Variants in RBFOX1 observed in about 807,000 individuals in gnomAD.
RBFOX1 encodes RNA binding protein fox-1 homolog 1.
RBFOX1 carries 8 observed loss-of-function variants against 57.7 expected under a neutral mutation model. That is an observed-to-expected ratio of 0.14 (90% CI 0.08 to 0.25). The LOEUF is 0.25. Ranked by LOEUF, RBFOX1 falls within the 10% of genes least tolerant of loss-of-function variation. RBFOX1 has a pLI of 1.00. For synonymous variants in RBFOX1, 326 were observed against 222.4 expected, an observed-to-expected ratio of 1.47 and a Z score of -4.15; for missense variants, 611 against 548.5, an observed-to-expected ratio of 1.11 and a Z score of -1.14.
At chr16:7,450,654 G>A (rs146577787) in intron 4 of RBFOX1, among the ~76,000 whole-genome samples, 83 of 151,914 alleles carry the variant, frequency 5.5e-4, no homozygotes, top group African/African-American at 1.9e-3. Context: ...TCACTTTTCC[G>A]CCTGATTTAA....
At chr16:7,647,036 G>A (rs1313567058) in intron 11 of RBFOX1, among the ~76,000 whole-genome samples, 5 of 152,136 alleles carry the variant, frequency 3.3e-5, no homozygotes, top group Admixed American at 6.5e-5. Context: ...CACATCTTCC[G>A]TTCTAAAATG....
chr16:6,169,122 G>T (rs1251996983), intron 1 of RBFOX1, among the ~76,000 whole-genome samples: 1 of 152,188 alleles, frequency 6.6e-6, no homozygotes, highest in Non-Finnish European at 1.5e-5. Flanking sequence ...ACTCCAGGCA[G>T]ATTAGCAAGG....
intron 4 of RBFOX1, among the ~76,000 whole-genome samples, chr16:5,969,105 ATTG>A (rs2059908663): frequency 6.6e-6 from 1 of 151,828 alleles, no homozygotes. Context: ...TCTGATTTAT[ATTG>A]TTTTCCATTT....
chr16:7,584,853 G>T (rs75529154), intron 6 of RBFOX1, among the ~76,000 whole-genome samples: 1 of 152,140 alleles, frequency 6.6e-6, no homozygotes, highest in Non-Finnish European at 1.5e-5. Context: ...TTGTTTCACC[G>T]GCTTTGAGAA....
chr16:6,010,818 A>C (rs918542663), intron 4 of RBFOX1, among the ~76,000 whole-genome samples: 2 of 152,212 alleles, frequency 1.3e-5, no homozygotes, highest in Admixed American at 6.5e-5. Context: ...TCTACTTTAT[A>C]GTCCTAAAAG....
At chr16:7,099,997 C>T (rs1297409471) in intron 4 of RBFOX1, among the ~76,000 whole-genome samples, 1 of 151,824 alleles carries the variant, frequency 6.6e-6, no homozygotes, top group Non-Finnish European at 1.5e-5. Flanking sequence ...ATGGTCTGAA[C>T]CAGTCTTTCA....
intron 2 of RBFOX1, among the ~76,000 whole-genome samples, chr16:6,370,345 G>A (rs915151904): frequency 1.9e-5 from 2 of 103,022 alleles, no homozygotes; most frequent in Non-Finnish European, 3.4e-5. Flanking sequence ...GCGACAGATA[G>A]AGACTCCGTC....
intron 3 of RBFOX1, among the ~76,000 whole-genome samples, chr16:6,788,721 CGCCTCG>C (rs769211783): frequency 1.3e-5 from 2 of 150,030 alleles, no homozygotes; most frequent in Non-Finnish European, 2.9e-5. Flanking sequence ...GTGATCCGCC[CGCCTCG>C]GCCTCCCAGA....
chr16:5,429,055 T>C (rs1567497466), intron 1 of RBFOX1, among the ~76,000 whole-genome samples: 1 of 152,174 alleles, frequency 6.6e-6, no homozygotes, highest in Non-Finnish European at 1.5e-5. Flanking sequence ...TAGGCTCTCC[T>C]GGCCCTCTGG....
At chr16:6,813,742 A>G (rs904370533) in intron 3 of RBFOX1, among the ~76,000 whole-genome samples, 9 of 152,162 alleles carry the variant, frequency 5.9e-5, no homozygotes, top group African/African-American at 2.2e-4. Context: ...TAGTTATAAA[A>G]TCAAACCTCC....
chr16:6,189,846 TAGA>T (rs886627058), intron 1 of RBFOX1, among the ~76,000 whole-genome samples: 16 of 152,234 alleles, frequency 1.1e-4, no homozygotes, highest in African/African-American at 3.9e-4. Context: ...TTTTGTTGTG[TAGA>T]AGCTTTTTCA....
At chr16:6,911,966 G>C (rs8062832) in intron 3 of RBFOX1, among the ~76,000 whole-genome samples, 114,725 of 152,080 alleles carry the variant, frequency 0.75, 43,480 homozygotes, top group East Asian at 0.93. Context: ...TTTGAGGCTT[G>C]GGAGTAGAAA....
chr16:6,720,434 T>C (rs1019206635), intron 3 of RBFOX1, among the ~76,000 whole-genome samples: 4 of 152,122 alleles, frequency 2.6e-5, no homozygotes, highest in African/African-American at 9.7e-5. Flanking sequence ...TTACCCACTC[T>C]CAGGTAGTTC....
intron 1 of RBFOX1, among the ~76,000 whole-genome samples, chr16:6,023,858 C>G (rs967418912): frequency 5.3e-5 from 8 of 152,202 alleles, no homozygotes; most frequent in Admixed American, 3.9e-4. Context: ...ATGTCTACCT[C>G]CATTATTTAA....
chr16:5,720,289 G>T (rs1215272152), intron 3 of RBFOX1, among the ~76,000 whole-genome samples: 1 of 152,134 alleles, frequency 6.6e-6, no homozygotes, highest in Non-Finnish European at 1.5e-5. Flanking sequence ...TTGATATTGA[G>T]TTGTGAGAGT....
intron 4 of RBFOX1, among the ~76,000 whole-genome samples, chr16:7,127,010 CAA>C (rs4035897): frequency 0.26 from 33,586 of 129,074 alleles, 4,001 homozygotes; most frequent in Non-Finnish European, 0.29. Context: ...GAATCCGTCT[CAA>C]AAAAAAAAAA....
intron 4 of RBFOX1, among the ~76,000 whole-genome samples, chr16:5,917,278 A>G (rs2058725799): frequency 6.6e-6 from 1 of 152,160 alleles, no homozygotes; most frequent in Admixed American, 6.5e-5. Flanking sequence ...AAGCGTGATA[A>G]TATTGATAAT....
intron 3 of RBFOX1, among the ~76,000 whole-genome samples, chr16:6,937,352 G>A (rs2077548621): frequency 1.3e-5 from 2 of 152,100 alleles, no homozygotes; most frequent in Non-Finnish European, 2.9e-5. Flanking sequence ...ATCTTTTGAA[G>A]TAGATACTTT....
At chr16:7,160,191 G>T (rs1189478038) in intron 4 of RBFOX1, among the ~76,000 whole-genome samples, 2 of 150,634 alleles carry the variant, frequency 1.3e-5, no homozygotes, top group African/African-American at 4.9e-5. Flanking sequence ...TATGACTTTT[G>T]ACTTTTTTTT....
Sources: gnomAD v4.1 joint callset for allele counts (sites outside exome capture counted in the v4.1 genomes callset) on GRCh38, gnomAD v4.1.1 for gene constraint, MANE v1.5 for transcripts, NCBI Gene and HGNC (gene_info 2026-07-23, HGNC 2026-07-21) for gene names.